The following STRN variants were observed in gnomAD, a reference collection of about 807,000 sequenced individuals.
The protein encoded by STRN is protein phosphatase 2 regulatory subunit B'''alpha.
Under a neutral mutation model 96.3 loss-of-function variants are expected in STRN, and 53 were observed. The observed-to-expected ratio is 0.55, with a 90% CI of 0.44 to 0.69. STRN has a LOEUF of 0.69. Ranked by LOEUF, STRN falls within the 30% of genes least tolerant of loss-of-function variation. The pLI is 0.00. For synonymous variants in STRN, 428 were observed against 355.9 expected (o/e 1.20, Z -2.28); for missense variants, 987 against 963.9 (o/e 1.02, Z -0.32).
chr2:36,851,133 C>G (rs768210633), intron 15 of STRN, 26 bp from the exon 16 acceptor site: 68 of 1,549,338 alleles, frequency 4.4e-5, no homozygotes, highest in Non-Finnish European at 6.0e-5. Flanking sequence ...TAAAAAGCAA[C>G]ACAACTTAGT....
At chr2:36,921,888 A>G (rs1452070387) in intron 2 of STRN, among the ~76,000 whole-genome samples, 1 of 152,218 alleles carries the variant, frequency 6.6e-6, no homozygotes, top group East Asian at 1.9e-4. Flanking sequence ...TAAATGCAGT[A>G]TATATTTCCA....
chr2:36,858,362 A>G (rs1668401639), intron 13 of STRN, among the ~76,000 whole-genome samples: 3 of 152,148 alleles, frequency 2.0e-5, no homozygotes, highest in Admixed American at 2.0e-4. Context: ...ATCTTTGGAG[A>G]AACCACAACT....
intron 9 of STRN, among the ~76,000 whole-genome samples, chr2:36,879,891 A>G (rs1669021882): frequency 6.6e-6 from 1 of 151,940 alleles, no homozygotes; most frequent in African/African-American, 2.4e-5. Flanking sequence ...GTGTTTTGGG[A>G]TACCAAGGTG....
chr2:36,925,403 G>A (rs1670382854), intron 1 of STRN, among the ~76,000 whole-genome samples, 195 bp from the exon 2 acceptor site: 1 of 152,086 alleles, frequency 6.6e-6, no homozygotes, highest in Admixed American at 6.6e-5. Flanking sequence ...AAAGGGCTGG[G>A]GGGACATCTA....
At chr2:36,899,354 A>C (rs1669623957) in intron 6 of STRN, among the ~76,000 whole-genome samples, 169 bp downstream of exon 6, 2 of 152,214 alleles carry the variant, frequency 1.3e-5, no homozygotes, top group African/African-American at 4.8e-5. Context: ...ACTATATTAA[A>C]AATATTCTCA....
At chr2:36,899,839 T>G (rs2148196317) in intron 5 of STRN, among the ~76,000 whole-genome samples, 181 bp from the exon 6 acceptor site, 1 of 152,360 alleles carries the variant, frequency 6.6e-6, no homozygotes. Context: ...AAGAAGTGGA[T>G]ACTCTTTAAG....
chr2:36,927,534 G>GGT lies in STRN; in HGVS notation c.235-2327_235-2326insAC, dbSNP rs1553402936. ...AAAAAAACAAAAAAAAGGGGGGGGG[G>GGT]GGTGGTAATCAGGGCCAGGCATGGT... On this transcript the variant is annotated intron_variant, in intron 1 of 17. Transcript: ENST00000263918. Among the ~76,000 whole-genome samples the GGT allele has an allele frequency of 3.5e-5, 5 of 143,724 alleles. 1 individual carries two copies. The East Asian group carries it at 1.1e-3, about 33-fold the overall frequency. 94.3% of individuals were successfully genotyped at this position (143,724 alleles called of 152,430 possible). A position where few individuals can be genotyped will look rare whatever the true frequency, so the allele number is the denominator to read the frequency against.
intron 1 of STRN, among the ~76,000 whole-genome samples, chr2:36,926,809 A>C (rs1670421766): frequency 6.6e-6 from 1 of 152,028 alleles, no homozygotes; most frequent in Non-Finnish European, 1.5e-5. Flanking sequence ...TAACCACAAG[A>C]CTCTTTTGAA....
chr2:36,886,648 G>GAAA, intron 8 of STRN, 68 bp downstream of exon 8: 6 of 1,132,890 alleles, frequency 5.3e-6, no homozygotes, highest in Non-Finnish European at 6.1e-6. Flanking sequence ...GGAAAACATT[G>GAAA]AAAAAAAAAA....
rs1314382758 is a variant in STRN, at chr2:36,841,710, A to T, written c.*7746T>A. 1.3e-5 allele frequency: 2 copies of T among 152,202 alleles called. No homozygotes were observed. Among genetic ancestry groups the T allele is most frequent in the Non-Finnish European group, 2.9e-5 (2 of 68,028 alleles). 9.4% of individuals were successfully genotyped at this position (152,202 alleles called of 1,614,324 possible). On this transcript the variant is annotated 3_prime_UTR_variant, in exon 18 of 18. Transcript: ENST00000263918. ...CAGATGACACAAAATACTTGGGCTTATATTTTTACAGCTTCCTAAAATATA... is the reference window on the plus strand; with the variant it reads ...CAGATGACACAAAATACTTGGGCTTTTATTTTTACAGCTTCCTAAAATATA...
Position 36,848,539 on chromosome 2 carries a change from G to A in STRN, c.*917C>T, listed in dbSNP as rs1200176515. The A allele has an allele frequency of 6.6e-6, 1 of 152,160 alleles. No homozygotes were observed. Among genetic ancestry groups the A allele is most frequent in the Non-Finnish European group, 1.5e-5 (1 of 68,026 alleles). 9.4% of individuals were successfully genotyped at this position (152,160 alleles called of 1,614,324 possible). On this transcript the variant is annotated 3_prime_UTR_variant, in exon 18 of 18. Coordinates refer to ENST00000263918, the MANE Select transcript of STRN (RefSeq NM_003162.4). ...TTAGCAAATAAATTCTATCTTTTCA[G>A]TCACTGAAAAGTAAGATTTCATTGG...
Position 36,893,913 on chromosome 2 carries a change from C to G in STRN, c.916G>C (p.Asp306His), listed in dbSNP as rs767149388. Residue 306 changes from aspartate (D) to histidine (H), a missense_variant, in exon 7 of 18, where the codon GAT (aspartate) becomes CAT (histidine). By Grantham distance (81) the Asp-to-His change is moderately conservative. Coordinates refer to ENST00000263918, the MANE Select transcript of STRN (RefSeq NM_003162.4). ...GCTTCCTTACCCCAGTCTGTTCCAT[C>G]GCCTGCACTTCTAGATTCATTGTCT... ...EGDNESRSAG[D>H]GTDWEKEDQC... 1.2e-6 allele frequency: 2 copies of G among 1,611,762 alleles called. No homozygotes were observed. Among genetic ancestry groups the G allele is most frequent in the East Asian group, 4.5e-5 (2 of 44,704 alleles).
rs1252202649 is a variant in STRN, at chr2:36,915,228, CATAAATAT to C, written c.412+842_412+849del. On this transcript the variant is annotated intron_variant, in intron 3 of 17. Coordinates refer to ENST00000263918, the MANE Select transcript of STRN (RefSeq NM_003162.4). ...AAAAAAAGGAAATTTAAACTGAATACATAAATATATATATATATATATATATATATATA... is the reference window on the plus strand; with the variant it reads ...AAAAAAAGGAAATTTAAACTGAATACATATATATATATATATATATATATA... 4.6e-3 allele frequency among the ~76,000 whole-genome samples: 301 copies of C among 65,274 alleles called. 4 individuals are homozygous for C. Among genetic ancestry groups the C allele is most frequent in the African/African-American group, 0.014 (292 of 20,890 alleles). 42.8% of individuals were successfully genotyped at this position (65,274 alleles called of 152,430 possible).
At position 36,849,480 on chromosome 2, in the gene STRN, G is replaced by A. The variant is rs368512549; in HGVS notation, c.2319C>T (p.Asp773=). Reference sequence around the variant, plus strand: ...GTCATACAAAGACTTTAGCCAGTGCGTCAGCTCCAGCACTGGCTATATAGC... The same window carrying A: ...GTCATACAAAGACTTTAGCCAGTGCATCAGCTCCAGCACTGGCTATATAGC... ...SKCYIASAGA[D]ALAKVFV The change falls in exon 18 of 18, where the codon GAC becomes GAT. Residue 773 remains aspartate, a synonymous_variant. Transcript: ENST00000263918. 31 of 1,614,050 alleles carry A rather than the reference G, an allele frequency of 1.9e-5. No homozygotes were observed. The highest frequency in any genetic ancestry group is 2.7e-5 in the African/African-American group (2 of 75,022).
intron 6 of STRN, among the ~76,000 whole-genome samples, chr2:36,898,272 T>G (rs1159527891): frequency 6.6e-6 from 1 of 152,232 alleles, no homozygotes; most frequent in Non-Finnish European, 1.5e-5. Context: ...GACTACCCAA[T>G]TTCCAGATGA....
At chr2:36,889,567 G>A (rs1669331727) in intron 7 of STRN, among the ~76,000 whole-genome samples, 1 of 120,640 alleles carries the variant, frequency 8.3e-6, no homozygotes, top group South Asian at 2.8e-4. Flanking sequence ...AAATCTTTTT[G>A]CTTGCCAGAA....
intron 7 of STRN, among the ~76,000 whole-genome samples, chr2:36,887,358 T>A (rs888145728): frequency 9.2e-5 from 14 of 151,620 alleles, no homozygotes; most frequent in Non-Finnish European, 2.1e-4. Flanking sequence ...TAATCCCAGT[T>A]ACTTGGGAGG....
Position 36,838,097 on chromosome 2 carries a change from C to G in STRN, c.*11359G>C, listed in dbSNP as rs1246325708. ...TGTGCTTAAACTAGTCACAAGAGCCCTTTAAAAGCAGTTTTCTCTGGCTGG... is the reference window on the plus strand; with the variant it reads ...TGTGCTTAAACTAGTCACAAGAGCCGTTTAAAAGCAGTTTTCTCTGGCTGG... On this transcript the variant is annotated 3_prime_UTR_variant, in exon 18 of 18. Transcript: ENST00000263918. Among the ~76,000 whole-genome samples, 1 of 152,090 alleles carries G rather than the reference C, an allele frequency of 6.6e-6. No individual in the cohort carries two copies. The highest frequency in any genetic ancestry group is 1.5e-5 in the Non-Finnish European group (1 of 68,022).
chr2:36,851,931 T>C (rs1668232681), intron 15 of STRN, among the ~76,000 whole-genome samples: 1 of 152,226 alleles, frequency 6.6e-6, no homozygotes, highest in Non-Finnish European at 1.5e-5. Context: ...AAAGTCAGCA[T>C]CCTAACTGTA....
Sources: allele counts gnomAD v4.1 joint callset (sites outside exome capture counted in the v4.1 genomes callset), GRCh38; gene constraint gnomAD v4.1.1; transcripts MANE v1.5; gene names NCBI Gene and HGNC (gene_info 2026-07-23, HGNC 2026-07-21).